The following COL24A1 variants were observed in gnomAD, a reference collection of about 807,000 sequenced individuals.
COL24A1 encodes the protein collagen alpha-1(XXIV) chain.
A neutral mutation model predicts 253.9 loss-of-function variants in COL24A1; 224 were observed. The observed-to-expected ratio is 0.88, with a 90% confidence interval of 0.79 to 0.99. The LOEUF (loss-of-function observed/expected upper bound fraction) is 0.99, where lower values mean the gene tolerates loss of function less well. Among genes scored for constraint, COL24A1 ranks in the 50% least tolerant of loss-of-function variants. The pLI, the probability that COL24A1 is intolerant of heterozygous loss-of-function variation, is 0.00. For missense variants in COL24A1, 2,131 were observed against 2,068.5 expected, an observed-to-expected ratio of 1.03 and a Z score of -0.59; for synonymous variants, 685 against 673.7, an observed-to-expected ratio of 1.02 and a Z score of -0.26.
intron 7 of COL24A1, among the ~76,000 whole-genome samples, chr1:86,077,837 G>A (rs983631286): frequency 7.6e-6 from 1 of 131,974 alleles, no homozygotes; most frequent in Non-Finnish European, 1.7e-5. Flanking sequence ...AGGGCCTGTG[G>A]GGGTTGGGGG....
chr1:85,920,381 C>A (rs1022844119), intron 24 of COL24A1, among the ~76,000 whole-genome samples: 1 of 152,120 alleles, frequency 6.6e-6, no homozygotes, highest in Non-Finnish European at 1.5e-5. Flanking sequence ...TTTGCAAACA[C>A]AAAGTTAATC....
Position 85,874,557 on chromosome 1 carries a change from T to C in COL24A1, c.3138+92A>G, listed in dbSNP as rs72952569. 9,398 of 1,133,378 alleles carry C rather than the reference T, an allele frequency of 8.3e-3. 557 individuals carry two copies. In the African/African-American group the frequency reaches 0.13, roughly 16 times the overall value. 70.2% of individuals were successfully genotyped at this position (1,133,378 alleles called of 1,614,324 possible). A position where few individuals can be genotyped will look rare whatever the true frequency, so the allele number is the denominator to read the frequency against. Reference sequence around the variant, plus strand: ...TTCTATAATGTATCAGAAAGGTTTATTATCCAATTTTTTGAGTGTTTCGAA... The same window carrying C: ...TTCTATAATGTATCAGAAAGGTTTACTATCCAATTTTTTGAGTGTTTCGAA... On this transcript the variant is annotated intron_variant, in intron 35 of 59. Coordinates refer to ENST00000370571, the MANE Select transcript of COL24A1 (RefSeq NM_152890.7).
intron 52 of COL24A1, among the ~76,000 whole-genome samples, chr1:85,779,050 A>G (rs1248983357): frequency 6.6e-6 from 1 of 152,060 alleles, no homozygotes; most frequent in Non-Finnish European, 1.5e-5. Context: ...CTGTTTGCGC[A>G]GGCTGGAGTG....
At chr1:85,876,252 T>C (rs902145555) in intron 33 of COL24A1, among the ~76,000 whole-genome samples, 3 of 152,026 alleles carry the variant, frequency 2.0e-5, no homozygotes, top group South Asian at 2.1e-4. Flanking sequence ...TAAGAGAGAA[T>C]GGGCAGGGGC....
chr1:85,781,351 T>C, intron 51 of COL24A1, 78 bp from the exon 52 acceptor site: 1 of 947,006 alleles, frequency 1.1e-6, no homozygotes, highest in Non-Finnish European at 1.6e-6. Flanking sequence ...TCTTGTACAA[T>C]GGTAAAAGAG....
At chr1:85,950,155 A>G (rs759237932) in intron 24 of COL24A1, among the ~76,000 whole-genome samples, 2 of 152,160 alleles carry the variant, frequency 1.3e-5, no homozygotes, top group Non-Finnish European at 2.9e-5. Context: ...ATATTGTATC[A>G]TAATGGATTT....
intron 47 of COL24A1, among the ~76,000 whole-genome samples, chr1:85,812,988 A>AC (rs1672696967): frequency 6.6e-6 from 1 of 152,188 alleles, no homozygotes; most frequent in South Asian, 2.1e-4. Context: ...AGGGGTAGAT[A>AC]CCTATTCTAG....
Position 86,027,954 on chromosome 1 carries a change from G to A in COL24A1, c.2049+3924C>T, listed in dbSNP as rs189286566. On this transcript the variant is annotated intron_variant, in intron 14 of 59. Transcript: ENST00000370571. Reference sequence around the variant, plus strand: ...TCAGTGTGACCTGGATGTGAGACACGGAGTCAAATTGAGATCATTTTGGAA... The same window carrying A: ...TCAGTGTGACCTGGATGTGAGACACAGAGTCAAATTGAGATCATTTTGGAA... Among the ~76,000 whole-genome samples, 280 of 152,298 alleles carry A rather than the reference G, an allele frequency of 1.8e-3. 9 individuals carry two copies. The highest frequency in any genetic ancestry group is 6.9e-4 in the Non-Finnish European group (47 of 68,018).
intron 45 of COL24A1, among the ~76,000 whole-genome samples, chr1:85,821,343 A>G (rs1346191235): frequency 2.0e-5 from 3 of 152,170 alleles, no homozygotes; most frequent in African/African-American, 7.2e-5. Flanking sequence ...CTTCATAATA[A>G]CAGGAGCTAG....
At chr1:85,796,381 C>G (rs900984160) in intron 47 of COL24A1, among the ~76,000 whole-genome samples, 3 of 152,108 alleles carry the variant, frequency 2.0e-5, no homozygotes, top group African/African-American at 7.2e-5. Flanking sequence ...TATGAAATCT[C>G]CTTTACCCAG....
intron 37 of COL24A1, among the ~76,000 whole-genome samples, chr1:85,857,724 G>T (rs1678613010): frequency 6.6e-6 from 1 of 152,150 alleles, no homozygotes; most frequent in Admixed American, 6.5e-5. Context: ...CTGAGCACCT[G>T]AAGAAACTAC....
At chr1:86,134,599 G>T (rs1234351748) in intron 2 of COL24A1, among the ~76,000 whole-genome samples, 1 of 150,754 alleles carries the variant, frequency 6.6e-6, no homozygotes, top group East Asian at 2.0e-4. Flanking sequence ...CCTTCATTTC[G>T]GTATGTACCC....
chr1:86,144,823 C>A (rs1220481774), intron 2 of COL24A1, among the ~76,000 whole-genome samples: 1 of 152,024 alleles, frequency 6.6e-6, no homozygotes, highest in African/African-American at 2.4e-5. Context: ...TGTGATGAGG[C>A]AGCAGTGAAG....
chr1:85,955,879 T>A (rs1481816982), intron 24 of COL24A1, among the ~76,000 whole-genome samples: 1 of 152,230 alleles, frequency 6.6e-6, no homozygotes, highest in Non-Finnish European at 1.5e-5. Flanking sequence ...TAAGTTATAT[T>A]TTCATAATTC....
At chr1:86,138,800 T>C (rs1431720772) in intron 2 of COL24A1, among the ~76,000 whole-genome samples, 4 of 152,164 alleles carry the variant, frequency 2.6e-5, no homozygotes, top group Non-Finnish European at 1.5e-5. Flanking sequence ...TTCTCCACTC[T>C]CTGTATGTAC....
intron 24 of COL24A1, among the ~76,000 whole-genome samples, chr1:85,944,996 CATTGTGTTTTTT>C (rs1689122826): frequency 1.9e-5 from 1 of 53,138 alleles, no homozygotes; most frequent in Admixed American, 2.4e-4. Context: ...TCCAGTCTAT[CATTGTGTTTTTT>C]TTTTTTTTTT....
chr1:85,950,758 T>G (rs144054366), intron 24 of COL24A1, among the ~76,000 whole-genome samples: 19 of 152,108 alleles, frequency 1.2e-4, no homozygotes, highest in African/African-American at 4.6e-4. Flanking sequence ...TGGCAAGAAG[T>G]GGTAATAGAA....
chr1:86,107,771 G>T (rs941473458), intron 5 of COL24A1, among the ~76,000 whole-genome samples: 3 of 152,064 alleles, frequency 2.0e-5, no homozygotes, highest in Admixed American at 2.0e-4. Flanking sequence ...TCCTGACCTC[G>T]TGATCTACCC....
intron 20 of COL24A1, 96 bp downstream of exon 20, chr1:85,987,505 T>C (rs1693826596): frequency 3.8e-6 from 4 of 1,061,304 alleles, no homozygotes; most frequent in Non-Finnish European, 4.3e-6. Flanking sequence ...TATCCAGAAA[T>C]GTTCTGATAT....
Sources: allele counts gnomAD v4.1 joint callset (sites outside exome capture counted in the v4.1 genomes callset), GRCh38; gene constraint gnomAD v4.1.1; transcripts MANE v1.5; gene names NCBI Gene and HGNC (gene_info 2026-07-23, HGNC 2026-07-21).